Variants in SAMD4A observed in about 807,000 individuals in gnomAD.
The protein encoded by SAMD4A is protein Smaug homolog 1.
In SAMD4A, 33 loss-of-function variants were observed where a neutral mutation model predicts 81.3. The observed-to-expected ratio is 0.41, with a 90% CI of 0.31 to 0.54. The LOEUF (loss-of-function observed/expected upper bound fraction) is 0.54. Among genes scored for constraint, SAMD4A ranks in the 20% least tolerant of loss-of-function variants. SAMD4A has a pLI of 0.37. For synonymous variants in SAMD4A, 389 were observed against 382.1 expected (o/e 1.02, Z -0.21); for missense variants, 854 against 951.1 (o/e 0.90, Z 1.34).
intron 2 of SAMD4A, among the ~76,000 whole-genome samples, chr14:54,582,869 A>C (rs1157282556): frequency 6.6e-6 from 1 of 152,230 alleles, no homozygotes; most frequent in East Asian, 1.9e-4. Context: ...GACAAAAATT[A>C]AGAATTGGTC....
chr14:54,699,804 C>A (rs981486006), intron 2 of SAMD4A, among the ~76,000 whole-genome samples: 4 of 152,170 alleles, frequency 2.6e-5, no homozygotes, highest in Non-Finnish European at 5.9e-5. Flanking sequence ...AACATTCAGA[C>A]CCCAGGGCAG....
chr14:54,755,942 T>G (rs940895685), intron 6 of SAMD4A, among the ~76,000 whole-genome samples: 1 of 152,146 alleles, frequency 6.6e-6, no homozygotes, highest in Non-Finnish European at 1.5e-5. Flanking sequence ...CACACACTCA[T>G]GCATTCACCT....
At position 54,656,817 on chromosome 14, in the gene SAMD4A, C is replaced by T. The variant is rs572424593; in HGVS notation, c.197-45245C>T. 9.2e-5 allele frequency among the ~76,000 whole-genome samples: 14 copies of T among 152,208 alleles called. No homozygotes were observed. In the South Asian group the frequency reaches 2.9e-3, roughly 32 times the overall value. On this transcript the variant is annotated intron_variant, in intron 2 of 12. Coordinates refer to ENST00000554335, the MANE Select transcript of SAMD4A (RefSeq NM_015589.6). ...TAATTTTTTGTATTTTTAGTGGAGA[C>T]AGGATGGTCTCGATCTCCTGACCTT... is the stretch of plus-strand genomic sequence containing the variant.
intron 2 of SAMD4A, among the ~76,000 whole-genome samples, chr14:54,598,526 A>G (rs1025305082): frequency 2.6e-5 from 4 of 152,222 alleles, no homozygotes; most frequent in Non-Finnish European, 4.4e-5. Flanking sequence ...TTTCACTATT[A>G]TAACATATTG....
rs567581168 is a variant in SAMD4A, at chr14:54,742,763, GAT to G, written c.979+5477_979+5478del. ...CACAAATGTAGAAGTCATTGAAACT[GAT>G]GTATTATTTGTGTATAGACATGATA... On this transcript the variant is annotated intron_variant, in intron 4 of 12. Coordinates refer to ENST00000554335, the MANE Select transcript of SAMD4A (RefSeq NM_015589.6). Among the ~76,000 whole-genome samples the G allele has an allele frequency of 1.4e-3, 217 of 152,274 alleles. 1 individual carries two copies. The highest frequency in any genetic ancestry group is 5.1e-3 in the African/African-American group (211 of 41,542).
chr14:54,717,279 A>C (rs1023601631), intron 3 of SAMD4A, among the ~76,000 whole-genome samples: 2 of 151,892 alleles, frequency 1.3e-5, no homozygotes, highest in African/African-American at 4.8e-5. Context: ...CTATCTCTAC[A>C]AAAAAATAAA....
chr14:54,711,947 T>G (rs947898588), intron 3 of SAMD4A, among the ~76,000 whole-genome samples: 17 of 152,202 alleles, frequency 1.1e-4, no homozygotes, highest in African/African-American at 4.1e-4. Context: ...GTCCTTCCTC[T>G]TCCTTTTGCC....
intron 8 of SAMD4A, among the ~76,000 whole-genome samples, chr14:54,765,869 G>A (rs1053258571): frequency 6.6e-6 from 1 of 152,034 alleles, no homozygotes; most frequent in African/African-American, 2.4e-5. Flanking sequence ...CCCCCTCTGG[G>A]ATTCCATCCC....
chr14:54,722,468 T>C (rs930601872), intron 3 of SAMD4A, among the ~76,000 whole-genome samples: 4 of 152,210 alleles, frequency 2.6e-5, no homozygotes, highest in African/African-American at 9.7e-5. Context: ...TGAGGAATTA[T>C]CTACTTTAGA....
At chr14:54,607,446 T>A (rs1176526569) in intron 2 of SAMD4A, among the ~76,000 whole-genome samples, 1 of 149,464 alleles carries the variant, frequency 6.7e-6, no homozygotes, top group Non-Finnish European at 1.5e-5. Context: ...AGGTCAGGAG[T>A]TCAAGGTCTC....
intron 6 of SAMD4A, among the ~76,000 whole-genome samples, chr14:54,755,461 G>A (rs1160259066): frequency 6.6e-6 from 1 of 152,174 alleles, no homozygotes. Flanking sequence ...CAAGAGCGTG[G>A]ACAGGCCCTG....
At chr14:54,699,722 A>T (rs527416891) in intron 2 of SAMD4A, among the ~76,000 whole-genome samples, 46 of 152,216 alleles carry the variant, frequency 3.0e-4, no homozygotes, top group Non-Finnish European at 5.1e-4. Flanking sequence ...AAAGTTTAGA[A>T]TACCATATAT....
chr14:54,764,997 T>A (rs1447710476), intron 8 of SAMD4A, among the ~76,000 whole-genome samples: 1 of 152,310 alleles, frequency 6.6e-6, no homozygotes, highest in East Asian at 1.9e-4. Flanking sequence ...GGCTTGCGAT[T>A]GTTGTAGGAA....
chr14:54,597,396 T>A (rs1022173904), intron 2 of SAMD4A, among the ~76,000 whole-genome samples: 2 of 151,934 alleles, frequency 1.3e-5, no homozygotes, highest in African/African-American at 4.8e-5. Flanking sequence ...TGCCTCAGCC[T>A]CCTGAGTAGC....
chr14:54,731,189 T>G (rs1363836024), intron 3 of SAMD4A, among the ~76,000 whole-genome samples: 1 of 152,216 alleles, frequency 6.6e-6, no homozygotes, highest in African/African-American at 2.4e-5. Context: ...CACCTTTTTG[T>G]AGCTAGCAGT....
intron 2 of SAMD4A, among the ~76,000 whole-genome samples, chr14:54,659,546 C>A (rs1006457285): frequency 1.3e-5 from 2 of 152,176 alleles, no homozygotes; most frequent in African/African-American, 4.8e-5. Flanking sequence ...AATGAATAAT[C>A]AGTCATCAAA....
chr14:54,686,039 G>A (rs774701351), intron 2 of SAMD4A, among the ~76,000 whole-genome samples: 16 of 152,182 alleles, frequency 1.1e-4, no homozygotes, highest in Non-Finnish European at 1.8e-4. Context: ...AAGCTCCAGC[G>A]AAAGCTTTCT....
chr14:54,748,761 T>G, intron 4 of SAMD4A, 54 bp from the exon 5 acceptor site: 1 of 1,228,486 alleles, frequency 8.1e-7, no homozygotes, highest in Non-Finnish European at 1.2e-6. Flanking sequence ...TCTCGTCATC[T>G]CTTCTCATTC....
intron 2 of SAMD4A, among the ~76,000 whole-genome samples, chr14:54,658,497 C>G (rs1190101454): frequency 1.3e-5 from 2 of 152,148 alleles, no homozygotes; most frequent in East Asian, 3.9e-4. Context: ...CAAATGACCA[C>G]TGAGTCCCAC....
Sources: gnomAD v4.1 joint callset for allele counts (sites outside exome capture counted in the v4.1 genomes callset) on GRCh38, gnomAD v4.1.1 for gene constraint, MANE v1.5 for transcripts, NCBI Gene and HGNC (gene_info 2026-07-23, HGNC 2026-07-21) for gene names.